The following ANKS1B variants were observed in gnomAD, a reference collection of about 807,000 sequenced individuals.
The protein encoded by ANKS1B is ankyrin repeat and sterile alpha motif domain containing 1B, also known as ankyrin repeat and sterile alpha motif domain-containing protein 1B.
In ANKS1B, 36 loss-of-function variants were observed where a neutral mutation model predicts 148.3. The observed-to-expected ratio is 0.24, with a 90% CI of 0.19 to 0.32. The LOEUF (loss-of-function observed/expected upper bound fraction) is 0.32, where lower values mean the gene tolerates loss of function less well. Ranked by LOEUF, ANKS1B falls within the 10% of genes least tolerant of loss-of-function variation. The pLI is 1.00. For synonymous variants in ANKS1B, 542 were observed against 560.8 expected, an observed-to-expected ratio of 0.97 and a Z score of 0.47; for missense variants, 1,157 against 1,542.6, an observed-to-expected ratio of 0.75 and a Z score of 4.19.
chr12:99,192,131 CA>C (rs35767286), intron 14 of ANKS1B, among the ~76,000 whole-genome samples: 36 of 57,812 alleles, frequency 6.2e-4, no homozygotes, highest in Admixed American at 2.4e-3. Flanking sequence ...GACTCCATCT[CA>C]AAAAAAAAAA....
chr12:99,471,099 AGC>A (rs1005849008), intron 10 of ANKS1B, among the ~76,000 whole-genome samples: 1 of 152,090 alleles, frequency 6.6e-6, no homozygotes, highest in Non-Finnish European at 1.5e-5. Flanking sequence ...ATTTTCAGGA[AGC>A]AAAATGACAA....
intron 17 of ANKS1B, among the ~76,000 whole-genome samples, chr12:98,999,777 G>A (rs2099931852): frequency 6.6e-6 from 1 of 152,172 alleles, no homozygotes; most frequent in Admixed American, 6.5e-5. Flanking sequence ...AAGGGCATGT[G>A]GTTGGGCTGG....
intron 17 of ANKS1B, among the ~76,000 whole-genome samples, chr12:98,890,305 TA>T (rs1369378659): frequency 6.6e-6 from 1 of 152,164 alleles, no homozygotes; most frequent in Non-Finnish European, 1.5e-5. Flanking sequence ...ACCAACCCCA[TA>T]AGAGATATTG....
chr12:99,270,417 A>C (rs73381155), intron 12 of ANKS1B, among the ~76,000 whole-genome samples: 6 of 152,032 alleles, frequency 3.9e-5, no homozygotes, highest in African/African-American at 1.5e-4. Context: ...ATTCCTATCT[A>C]ATGTATCATC....
intron 14 of ANKS1B, among the ~76,000 whole-genome samples, chr12:99,240,168 C>T (rs7312815): frequency 0.025 from 3,753 of 152,210 alleles, 154 homozygotes; most frequent in African/African-American, 0.086. Flanking sequence ...TCAGGAGACA[C>T]ATCTCACATG....
At chr12:99,296,541 A>G (rs2080893345) in intron 12 of ANKS1B, among the ~76,000 whole-genome samples, 1 of 152,184 alleles carries the variant, frequency 6.6e-6, no homozygotes, top group Admixed American at 6.5e-5. Context: ...ATCCTCAGAG[A>G]TATCTTTCCT....
chr12:99,724,024 C>T (rs187876508), intron 8 of ANKS1B, among the ~76,000 whole-genome samples: 2 of 151,524 alleles, frequency 1.3e-5, no homozygotes, highest in East Asian at 3.9e-4. Context: ...CAAAACTAGA[C>T]AAATTCATGA....
intron 8 of ANKS1B, among the ~76,000 whole-genome samples, chr12:99,684,538 A>C (rs1256617282): frequency 6.6e-6 from 1 of 152,052 alleles, no homozygotes; most frequent in Non-Finnish European, 1.5e-5. Context: ...ATATTGTAAA[A>C]ATGACAAATC....
At chr12:99,595,406 T>C (rs1047444142) in intron 9 of ANKS1B, among the ~76,000 whole-genome samples, 1 of 151,888 alleles carries the variant, frequency 6.6e-6, no homozygotes, top group Non-Finnish European at 1.5e-5. Context: ...GTATGAATTG[T>C]TCCAATTGCC....
intron 12 of ANKS1B, among the ~76,000 whole-genome samples, chr12:99,284,201 T>C (rs1183679366): frequency 2.0e-5 from 3 of 152,182 alleles, no homozygotes; most frequent in Non-Finnish European, 4.4e-5. Flanking sequence ...AGATTCTTTT[T>C]CAAGTTCTTA....
intron 1 of ANKS1B, among the ~76,000 whole-genome samples, chr12:99,880,494 A>G (rs2092411612): frequency 6.6e-6 from 1 of 152,204 alleles, no homozygotes. Context: ...CAAGTAAGTT[A>G]TATTCGGTAC....
At chr12:99,044,904 C>A (rs528127167) in intron 17 of ANKS1B, among the ~76,000 whole-genome samples, 37 of 152,026 alleles carry the variant, frequency 2.4e-4, no homozygotes, top group Non-Finnish European at 4.6e-4. Context: ...TTTTTAAGGT[C>A]AACATACCGA....
chr12:99,674,097 T>C (rs1012609935), intron 8 of ANKS1B, among the ~76,000 whole-genome samples: 1 of 151,746 alleles, frequency 6.6e-6, no homozygotes, highest in Non-Finnish European at 1.5e-5. Flanking sequence ...AAACTAATTA[T>C]GAAATAAAGA....
chr12:99,278,368 C>T (rs1447645012), intron 12 of ANKS1B, among the ~76,000 whole-genome samples: 2 of 152,188 alleles, frequency 1.3e-5, no homozygotes, highest in African/African-American at 4.8e-5. Flanking sequence ...GTCCAGGTCC[C>T]ATCATTTGGA....
chr12:99,060,379 C>T (rs2041997709), intron 16 of ANKS1B, among the ~76,000 whole-genome samples: 2 of 151,900 alleles, frequency 1.3e-5, no homozygotes, highest in African/African-American at 2.4e-5. Flanking sequence ...GGGTCAGCTA[C>T]GGGGCAGCTG....
chr12:99,574,487 A>T (rs2059100281), intron 9 of ANKS1B, among the ~76,000 whole-genome samples: 1 of 152,102 alleles, frequency 6.6e-6, no homozygotes, highest in Admixed American at 6.6e-5. Flanking sequence ...ACTTTAATGA[A>T]AACAACAGGC....
At chr12:98,899,708 G>C (rs1195873079) in intron 17 of ANKS1B, among the ~76,000 whole-genome samples, 1 of 152,072 alleles carries the variant, frequency 6.6e-6, no homozygotes, top group Admixed American at 6.5e-5. Context: ...TTTTGTATAT[G>C]TCTCCTACTG....
intron 9 of ANKS1B, among the ~76,000 whole-genome samples, chr12:99,507,745 A>G (rs17029558): frequency 0.22 from 32,783 of 151,796 alleles, 4,062 homozygotes; most frequent in African/African-American, 0.35. Context: ...GTAACCAAAT[A>G]TTTCAATGTC....
At chr12:99,741,827 A>G (rs1241701023) in intron 8 of ANKS1B, among the ~76,000 whole-genome samples, 1 of 152,102 alleles carries the variant, frequency 6.6e-6, no homozygotes, top group African/African-American at 2.4e-5. Context: ...AACTACCATG[A>G]CACAGGTATA....
Sources: allele counts gnomAD v4.1 joint callset (sites outside exome capture counted in the v4.1 genomes callset), GRCh38; gene constraint gnomAD v4.1.1; transcripts MANE v1.5; gene names NCBI Gene and HGNC (gene_info 2026-07-23, HGNC 2026-07-21).